Variants in HPSE2 observed in about 807,000 individuals in gnomAD.
HPSE2 encodes inactive heparanase-2.
In HPSE2, 38 loss-of-function variants were observed where a neutral mutation model predicts 60.5. The observed-to-expected ratio is 0.63, with a 90% CI of 0.48 to 0.82. The LOEUF is 0.82. Ranked by LOEUF, HPSE2 falls within the 40% of genes least tolerant of loss-of-function variation. The probability of loss-of-function intolerance (pLI) is 0.00; values close to 1 mark genes in which losing one functional copy is unlikely to be tolerated. For synonymous variants in HPSE2, 295 were observed against 293.2 expected (o/e 1.01, Z -0.06); for missense variants, 713 against 740.4 (o/e 0.96, Z 0.43).
chr10:98,725,504 A>G (rs1350134723), intron 4 of HPSE2, among the ~76,000 whole-genome samples: 1 of 152,214 alleles, frequency 6.6e-6, no homozygotes, highest in Non-Finnish European at 1.5e-5. Context: ...TGGATTAAAG[A>G]CTTAAATGTT....
chr10:99,244,230 GA>G, the HPSE2 span, among the ~76,000 whole-genome samples: 3 of 151,762 alleles, frequency 2.0e-5, no homozygotes, highest in Non-Finnish European at 4.4e-5. Context: ...TGTTAGCCAG[GA>G]TGGTCTCAAT....
chr10:98,995,352 A>G (rs971142368), intron 3 of HPSE2, among the ~76,000 whole-genome samples: 1 of 152,208 alleles, frequency 6.6e-6, no homozygotes, highest in Non-Finnish European at 1.5e-5. Context: ...CCTATAAACA[A>G]TAAGCAACGG....
intron 8 of HPSE2, among the ~76,000 whole-genome samples, chr10:98,619,499 G>C (rs975349692): frequency 3.9e-5 from 6 of 151,922 alleles, no homozygotes; most frequent in Non-Finnish European, 7.4e-5. Flanking sequence ...CTCTCTCTCT[G>C]TCTCTCTCCT....
intron 11 of HPSE2, among the ~76,000 whole-genome samples, chr10:98,474,866 ATGAGCTCCTTTAGGAGATTCTTC>A (rs1564903984): frequency 6.6e-6 from 1 of 152,128 alleles, no homozygotes; most frequent in South Asian, 2.1e-4. Flanking sequence ...AGTGACAGAG[ATGAGCTCCTTTAGGAGATTCTTC>A]TGAGCTCCTT....
intron 3 of HPSE2, among the ~76,000 whole-genome samples, chr10:98,780,590 G>A (rs1950443119): frequency 6.6e-6 from 1 of 152,028 alleles, no homozygotes; most frequent in Non-Finnish European, 1.5e-5. Flanking sequence ...ACTGAATAGT[G>A]GAGATTGAGA....
intron 2 of HPSE2, among the ~76,000 whole-genome samples, chr10:99,230,511 T>G (rs1470486986): frequency 6.6e-6 from 1 of 152,050 alleles, no homozygotes; most frequent in African/African-American, 2.4e-5. Context: ...GAAGGTAACC[T>G]CTTAGATCTT....
the HPSE2 span, among the ~76,000 whole-genome samples, chr10:99,248,964 T>A: frequency 2.0e-5 from 3 of 152,200 alleles, no homozygotes; most frequent in African/African-American, 7.2e-5. Flanking sequence ...GAGCTGAGGC[T>A]TGGAAACCTT....
intron 2 of HPSE2, among the ~76,000 whole-genome samples, chr10:99,185,004 A>C (rs1847949417): frequency 6.6e-6 from 1 of 151,612 alleles, no homozygotes; most frequent in Admixed American, 6.6e-5. Context: ...CTTAATGGTC[A>C]AAACTTCTAA....
chr10:98,770,503 A>T (rs758060459), intron 3 of HPSE2, among the ~76,000 whole-genome samples: 11 of 152,212 alleles, frequency 7.2e-5, no homozygotes, highest in South Asian at 4.1e-4. Flanking sequence ...CAATGACTGA[A>T]CACAGTAGCC....
chr10:98,948,507 A>G (rs1361998477), intron 3 of HPSE2, among the ~76,000 whole-genome samples: 2 of 152,194 alleles, frequency 1.3e-5, no homozygotes, highest in African/African-American at 4.8e-5. Context: ...GGTTCTGATT[A>G]TTCAAGACTG....
rs1002114210 is a variant in HPSE2 at position 99,079,445 on chromosome 10, C to G, written c.610+64793G>C. ...GACAGATGGTAGTCCTTTGGGCAGTCCACAAGCAAGTTGGGGTATTGGACA... is the reference window on the plus strand; with the variant it reads ...GACAGATGGTAGTCCTTTGGGCAGTGCACAAGCAAGTTGGGGTATTGGACA... On this transcript the variant is annotated intron_variant, in intron 3 of 11. Transcript: ENST00000370552. Among the ~76,000 whole-genome samples the G allele has an allele frequency of 9.7e-4, 148 of 152,144 alleles. 1 individual carries two copies. Among genetic ancestry groups the G allele is most frequent in the Non-Finnish European group, 1.2e-3 (84 of 68,010 alleles).
At chr10:99,047,274 G>C (rs1216768925) in intron 3 of HPSE2, among the ~76,000 whole-genome samples, 1 of 152,166 alleles carries the variant, frequency 6.6e-6, no homozygotes, top group African/African-American at 2.4e-5. Context: ...TCCATATGCA[G>C]AAGAATAAAA....
At chr10:98,937,953 A>G (rs1954858817) in intron 3 of HPSE2, among the ~76,000 whole-genome samples, 1 of 143,418 alleles carries the variant, frequency 7.0e-6, no homozygotes, top group African/African-American at 2.8e-5. Flanking sequence ...TTCTGCAGAC[A>G]CCTCTGCTGA....
At chr10:99,013,107 A>T in intron 3 of HPSE2, 1 of 651,740 alleles carries the variant, frequency 1.5e-6, no homozygotes, top group Non-Finnish European at 2.9e-6. Context: ...AGATAATCTA[A>T]TCTTAAGTCG....
At chr10:98,599,045 C>T (rs532815277) in intron 9 of HPSE2, among the ~76,000 whole-genome samples, 27 of 152,144 alleles carry the variant, frequency 1.8e-4, no homozygotes, top group South Asian at 1.0e-3. Context: ...CCTGGGTCCA[C>T]GGGGACTGGT....
Position 98,620,620 on chromosome 10 carries a change from G to C in HPSE2, c.1187C>G (p.Ser396Cys). 6.2e-7 allele frequency: 1 copy of C among 1,613,832 alleles called. No homozygotes were observed. Among genetic ancestry groups the C allele is most frequent in the Non-Finnish European group, 8.5e-7 (1 of 1,179,768 alleles). Residue 396 changes from serine (S) to cysteine (C), a missense_variant, in exon 8 of 12, where the codon TCC (serine) becomes TGC (cysteine). Physicochemically the swap from Ser to Cys is moderately radical, Grantham distance 112 (BLOSUM62 -1). Coordinates refer to ENST00000370552, the MANE Select transcript of HPSE2 (RefSeq NM_021828.5). ...TACTCACAAGAATCCTGCAGCATAGGAATCGGATAGATTGTTTGTGCCTCC... is the reference window on the plus strand; with the variant it reads ...TACTCACAAGAATCCTGCAGCATAGCAATCGGATAGATTGTTTGTGCCTCC... ...SAGGTNNLSD[S>C]YAAGFLWLNT...
At position 99,129,809 on chromosome 10, in the gene HPSE2, C is replaced by CAAAA. The variant is rs35488447; in HGVS notation, c.610+14425_610+14428dup. Among the ~76,000 whole-genome samples the CAAAA allele has an allele frequency of 5.6e-4, 74 of 132,562 alleles. 1 individual carries two copies. Among genetic ancestry groups the CAAAA allele is most frequent in the African/African-American group, 2.1e-3 (70 of 33,954 alleles). The allele number at this position is 132,562 out of a possible 152,430, so 87.0% of individuals were successfully genotyped here. A position where few individuals can be genotyped will look rare whatever the true frequency, so the allele number is the denominator to read the frequency against. ...GAGAAGAATTACATGAAATTGAAAC[C>CAAAA]AAAAAAAAAAAAAGATAAAAGAAAC... On this transcript the variant is annotated intron_variant, in intron 3 of 11. Transcript: ENST00000370552.
intron 3 of HPSE2, among the ~76,000 whole-genome samples, chr10:99,095,647 C>A (rs2135617126): frequency 6.6e-6 from 1 of 152,280 alleles, no homozygotes; most frequent in African/African-American, 2.4e-5. Flanking sequence ...TGGAATCACA[C>A]AATAATGTAA....
intron 9 of HPSE2, among the ~76,000 whole-genome samples, chr10:98,579,103 G>T (rs1944720148): frequency 6.6e-6 from 1 of 152,132 alleles, no homozygotes; most frequent in African/African-American, 2.4e-5. Context: ...CAAAAAATTG[G>T]ATGGAGAACG....
Sources: gnomAD v4.1 joint callset for allele counts (sites outside exome capture counted in the v4.1 genomes callset) on GRCh38, gnomAD v4.1.1 for gene constraint, MANE v1.5 for transcripts, NCBI Gene and HGNC (gene_info 2026-07-23, HGNC 2026-07-21) for gene names.